BDP1: variants seen among roughly 807,000 people sequenced by gnomAD.
The protein encoded by BDP1 is BDP1 general transcription factor IIIB subunit, also known as transcription factor TFIIIB component B'' homolog.
Under a neutral mutation model 266.6 loss-of-function variants are expected in BDP1, and 169 were observed. The ratio of observed to expected loss-of-function variants is 0.63; its 90% confidence interval spans 0.56 to 0.72. The LOEUF (loss-of-function observed/expected upper bound fraction) is 0.72, where lower values mean the gene tolerates loss of function less well. Ranked by LOEUF, BDP1 falls within the 30% of genes least tolerant of loss-of-function variation. BDP1 has a pLI of 0.00. For missense variants in BDP1, 3,015 were observed against 3,053.8 expected, an observed-to-expected ratio of 0.99 and a Z score of 0.30; for synonymous variants, 1,090 against 1,022.4, an observed-to-expected ratio of 1.07 and a Z score of -1.26.
At position 71,482,495 on chromosome 5, in the gene BDP1, G is replaced by A. The variant is rs190770940; in HGVS notation, c.1015-1347G>A. 2.5e-3 allele frequency among the ~76,000 whole-genome samples: 379 copies of A among 152,320 alleles called. 2 individuals are homozygous for A. Among genetic ancestry groups the A allele is most frequent in the African/African-American group, 8.2e-3 (339 of 41,566 alleles). On this transcript the variant is annotated intron_variant, in intron 7 of 38. Coordinates refer to ENST00000358731, the MANE Select transcript of BDP1 (RefSeq NM_018429.3). ...GATATGTAGGACCTGTCCATAATGA[G>A]TTACTTTGCCAAGGCCAGAAGTGGA...
intron 35 of BDP1, among the ~76,000 whole-genome samples, chr5:71,555,057 A>G (rs1045976171): frequency 2.6e-5 from 4 of 152,218 alleles, no homozygotes; most frequent in African/African-American, 9.7e-5. Flanking sequence ...ATACACATAC[A>G]CTGTATTCAG....
At chr5:71,489,934 A>G (rs1763489350) in intron 10 of BDP1, among the ~76,000 whole-genome samples, 1 of 152,214 alleles carries the variant, frequency 6.6e-6, no homozygotes, top group Non-Finnish European at 1.5e-5. Flanking sequence ...GTGCATTCCC[A>G]TTAACTATGA....
intron 30 of BDP1, among the ~76,000 whole-genome samples, 153 bp from the exon 31 acceptor site, chr5:71,544,204 T>G (rs1339919874): frequency 6.6e-6 from 1 of 152,262 alleles, no homozygotes; most frequent in Non-Finnish European, 1.5e-5. Context: ...AGCTAGGACT[T>G]TCTGCCATGT....
chr5:71,529,647 T>C (rs1332085204), intron 25 of BDP1, among the ~76,000 whole-genome samples: 1 of 152,210 alleles, frequency 6.6e-6, no homozygotes, highest in African/African-American at 2.4e-5. Flanking sequence ...GCTACAATCA[T>C]GCCACTGCAT....
chr5:71,485,853 A>AT (rs1763231006), intron 8 of BDP1, among the ~76,000 whole-genome samples: 1 of 152,244 alleles, frequency 6.6e-6, no homozygotes, highest in Non-Finnish European at 1.5e-5. Flanking sequence ...TTCTCAGTCC[A>AT]TAAAAAAATT....
At chr5:71,563,956 A>G (rs1580235462) in intron 38 of BDP1, among the ~76,000 whole-genome samples, 1 of 152,314 alleles carries the variant, frequency 6.6e-6, no homozygotes, top group East Asian at 1.9e-4. Flanking sequence ...CAGAATTATA[A>G]AAGTGTTTTT....
intron 38 of BDP1, 86 bp downstream of exon 38, chr5:71,562,606 T>G: frequency 6.6e-7 from 1 of 1,518,514 alleles, no homozygotes; most frequent in South Asian, 1.2e-5. Context: ...AATTTGTTAT[T>G]TTTATTTGAT....
chr5:71,542,732 T>G (rs926521874), intron 30 of BDP1, among the ~76,000 whole-genome samples: 5 of 152,040 alleles, frequency 3.3e-5, no homozygotes, highest in Non-Finnish European at 5.9e-5. Context: ...GTATAACTTT[T>G]GACTCCCCAA....
At chr5:71,460,772 A>G (rs1761503611) in intron 2 of BDP1, among the ~76,000 whole-genome samples, 1 of 152,196 alleles carries the variant, frequency 6.6e-6, no homozygotes, top group Admixed American at 6.5e-5. Flanking sequence ...TGTATTTTAC[A>G]GAAACTGCTT....
At chr5:71,511,889 A>T (rs1484386648) in intron 17 of BDP1, among the ~76,000 whole-genome samples, 1 of 152,148 alleles carries the variant, frequency 6.6e-6, no homozygotes, top group African/African-American at 2.4e-5. Flanking sequence ...CCACATCTGT[A>T]TCTGCTTTTG....
At chr5:71,576,202 A>T in the BDP1 span, among the ~76,000 whole-genome samples, 127 of 152,308 alleles carry the variant, frequency 8.3e-4, 3 homozygotes, top group South Asian at 0.025. Flanking sequence ...CATATTGGGC[A>T]TATGTTCCCA....
In BDP1 at chr5:71,548,490, G is replaced by A. The variant is rs1481914503; in HGVS notation, c.6745-192G>A. On this transcript the variant is annotated intron_variant, in intron 32 of 38. Transcript: ENST00000358731. ...TGCACATATTTAACAATGTAGTCAG[G>A]ATTCTTTGTATTAATATTTATTTAA... 2.0e-5 allele frequency among the ~76,000 whole-genome samples: 3 copies of A among 152,136 alleles called. No homozygotes were observed. The East Asian group carries it at 5.8e-4, about 29-fold the overall frequency.
the BDP1 span, among the ~76,000 whole-genome samples, chr5:71,574,063 T>C: frequency 1.2e-4 from 18 of 152,192 alleles, no homozygotes; most frequent in African/African-American, 4.1e-4. Context: ...CCTCAGAGCT[T>C]GTCAAGATGT....
In BDP1 at chr5:71,502,755, A is replaced by T. The variant is rs200344387; in HGVS notation, c.2205A>T (p.Val735=). The part of the protein sequence containing the change: ...LISQEEIGAN[V]EKNENESCAD... ...CACAGGAAGAAATTGGGGCCAATGTAGAGAAGAATGAAAATGAATCCTGTG... is the reference window on the plus strand; with the variant it reads ...CACAGGAAGAAATTGGGGCCAATGTTGAGAAGAATGAAAATGAATCCTGTG... Residue 735 remains valine, a synonymous_variant, in exon 15 of 39, where the codon GTA becomes GTT. Transcript: ENST00000358731. The T allele has an allele frequency of 2.8e-5, 45 of 1,613,782 alleles. 1 individual carries two copies. In the East Asian group the frequency reaches 1.0e-3, roughly 36 times the overall value.
chr5:71,572,017 C>G (rs958071118), downstream of BDP1, among the ~76,000 whole-genome samples: 5 of 152,226 alleles, frequency 3.3e-5, no homozygotes, highest in African/African-American at 1.2e-4. Context: ...ACTTCTGTGC[C>G]TGCCCCAGAA....
Position 71,464,256 on chromosome 5 carries a change from G to A in BDP1, c.659+139G>A, listed in dbSNP as rs368263758. On this transcript the variant is annotated intron_variant, in intron 4 of 38. Transcript: ENST00000358731. ...CACTCCTGTAATCTCAGCACTTTGCGAAGCCAAGATGGGAGGATTGCCAGA... is the reference window on the plus strand; with the variant it reads ...CACTCCTGTAATCTCAGCACTTTGCAAAGCCAAGATGGGAGGATTGCCAGA... 61 of 562,664 alleles carry A rather than the reference G, an allele frequency of 1.1e-4. No individual in the cohort carries two copies. The South Asian group carries it at 1.4e-3, about 13-fold the overall frequency. 34.9% of individuals were successfully genotyped at this position (562,664 alleles called of 1,614,324 possible). A position where few individuals can be genotyped will look rare whatever the true frequency, so the allele number is the denominator to read the frequency against.
chr5:71,506,230 CTG>C (rs1327443575), intron 16 of BDP1, among the ~76,000 whole-genome samples: 1 of 152,152 alleles, frequency 6.6e-6, no homozygotes, highest in Non-Finnish European at 1.5e-5. Flanking sequence ...CTGGTGGACA[CTG>C]TAACTAATAC....
chr5:71,518,536 A>G (rs1039553147), intron 22 of BDP1, among the ~76,000 whole-genome samples: 16 of 151,876 alleles, frequency 1.1e-4, no homozygotes, highest in African/African-American at 3.9e-4. Context: ...CTGCAGCCTC[A>G]ACTTCCTGGG....
intron 11 of BDP1, chr5:71,494,673 C>T (rs1387457262): frequency 6.6e-6 from 1 of 152,112 alleles, no homozygotes; most frequent in African/African-American, 2.4e-5. Flanking sequence ...TATTATTTTA[C>T]GCATGTTTGA....
Sources: allele counts gnomAD v4.1 joint callset (sites outside exome capture counted in the v4.1 genomes callset), GRCh38; gene constraint gnomAD v4.1.1; transcripts MANE v1.5; gene names NCBI Gene and HGNC (gene_info 2026-07-23, HGNC 2026-07-21).